Variants in DMD observed in about 807,000 individuals in gnomAD.
The protein encoded by DMD is mutant dystrophin.
Under a neutral mutation model 330.1 loss-of-function variants are expected in DMD, and 63 were observed. That is an observed-to-expected ratio of 0.19 (90% CI 0.16 to 0.24). The LOEUF (loss-of-function observed/expected upper bound fraction) is 0.24, where lower values mean the gene tolerates loss of function less well. Among genes scored for constraint, DMD ranks in the 10% least tolerant of loss-of-function variants. The pLI is 1.00. For missense variants in DMD, 3,344 were observed against 2,684.1 expected (o/e 1.25, Z -5.43); for synonymous variants, 1,223 against 959.8 (o/e 1.27, Z -5.07).
chrX:32,609,790 G>A (rs1434161169), intron 12 of DMD, among the ~76,000 whole-genome samples: 3 of 110,835 alleles, frequency 2.7e-5, no homozygotes, highest in Non-Finnish European at 5.7e-5. Flanking sequence ...AGAATATAGA[G>A]TATATATTCA....
chrX:31,486,944 C>A (rs750383670), intron 57 of DMD, among the ~76,000 whole-genome samples: 1 of 111,765 alleles, frequency 8.9e-6, no homozygotes, highest in Non-Finnish European at 1.9e-5. Context: ...ATGCTCACTT[C>A]GGGACAAGCA....
intron 1 of DMD, among the ~76,000 whole-genome samples, chrX:33,048,878 G>A (rs772425830): frequency 9.0e-6 from 1 of 110,582 alleles, no homozygotes; most frequent in East Asian, 2.9e-4. Flanking sequence ...ATTAGGATGT[G>A]ATATCTGGCA....
At chrX:32,082,358 A>G (rs2096397989) in intron 44 of DMD, among the ~76,000 whole-genome samples, 1 of 110,375 alleles carries the variant, frequency 9.1e-6, no homozygotes. Context: ...CCTCCTGAGT[A>G]GCTGGGGCTA....
At chrX:32,685,851 A>G (rs2062820415) in intron 9 of DMD, among the ~76,000 whole-genome samples, 1 of 112,046 alleles carries the variant, frequency 8.9e-6, no homozygotes, top group South Asian at 3.6e-4. Flanking sequence ...CTCATAATTT[A>G]AAAAATGACT....
intron 53 of DMD, among the ~76,000 whole-genome samples, chrX:31,662,107 C>T (rs1248526153): frequency 9.0e-6 from 1 of 111,691 alleles, no homozygotes; most frequent in Non-Finnish European, 1.9e-5. Flanking sequence ...CTGGCGTGAT[C>T]GCTTAGTGGC....
chrX:32,275,795 C>T lies in DMD; in HGVS notation c.6290+11734G>A, dbSNP rs145360562. ...GTTTCAACAATTCAAAAAAGTGAGACGGAGTGGTGCAAGATGTCAGAATAG... is the reference window on the plus strand; with the variant it reads ...GTTTCAACAATTCAAAAAAGTGAGATGGAGTGGTGCAAGATGTCAGAATAG... On this transcript the variant is annotated intron_variant, in intron 43 of 78. Transcript: ENST00000357033. Among the ~76,000 whole-genome samples the T allele has an allele frequency of 7.4e-4, 82 of 111,471 alleles. 1 individual carries two copies. The East Asian group carries it at 0.022, about 29-fold the overall frequency.
chrX:31,553,013 A>C (rs1603360199), intron 55 of DMD, among the ~76,000 whole-genome samples: 1 of 111,752 alleles, frequency 8.9e-6, no homozygotes, highest in South Asian at 3.8e-4. Context: ...GGGGAAATCC[A>C]GCAGAGAGAG....
At chrX:32,882,532 C>A (rs1431840171) in intron 2 of DMD, among the ~76,000 whole-genome samples, 2 of 111,887 alleles carry the variant, frequency 1.8e-5, no homozygotes, top group Non-Finnish European at 3.8e-5. Context: ...CTTCCAAAGA[C>A]CACATATTAT....
At chrX:31,379,212 C>T (rs753027493) in intron 60 of DMD, among the ~76,000 whole-genome samples, 12 of 110,543 alleles carry the variant, frequency 1.1e-4, no homozygotes, top group Non-Finnish European at 1.9e-4. Flanking sequence ...TCAGCCTCTG[C>T]TCCTCCACCC....
At chrX:31,790,789 C>T (rs766509581) in intron 50 of DMD, among the ~76,000 whole-genome samples, 149 of 111,003 alleles carry the variant, frequency 1.3e-3, no homozygotes, top group African/African-American at 4.8e-3. Context: ...TTTAACAGTG[C>T]CTGGTTTACA....
At chrX:32,456,975 A>C (rs1445020139) in intron 25 of DMD, among the ~76,000 whole-genome samples, 1 of 106,764 alleles carries the variant, frequency 9.4e-6, no homozygotes, top group Non-Finnish European at 1.9e-5. Context: ...AAAAAAAAAA[A>C]AAACTTACAG....
At chrX:33,077,083 A>G (rs2094854190) in intron 1 of DMD, among the ~76,000 whole-genome samples, 1 of 111,273 alleles carries the variant, frequency 9.0e-6, no homozygotes, top group Non-Finnish European at 1.9e-5. Flanking sequence ...CAGCTGATCC[A>G]TCAAGTGCAG....
intron 1 of DMD, among the ~76,000 whole-genome samples, chrX:33,236,728 C>G (rs1217943517): frequency 1.8e-5 from 2 of 110,965 alleles, no homozygotes; most frequent in Non-Finnish European, 3.8e-5. Flanking sequence ...CCTTATCAAA[C>G]ACCAGGGCAG....
At chrX:32,705,577 G>A (rs970878771) in intron 7 of DMD, among the ~76,000 whole-genome samples, 1 of 111,683 alleles carries the variant, frequency 9.0e-6, no homozygotes, top group South Asian at 3.7e-4. Flanking sequence ...ACTTCGGGAG[G>A]ACGAGGCAGG....
At chrX:32,765,530 AC>A (rs2072874065) in intron 7 of DMD, among the ~76,000 whole-genome samples, 1 of 111,150 alleles carries the variant, frequency 9.0e-6, no homozygotes, top group African/African-American at 3.3e-5. Context: ...TTTATAATTT[AC>A]CCAGTTTCAG....
intron 16 of DMD, among the ~76,000 whole-genome samples, chrX:32,564,836 T>G (rs1371080841): frequency 9.0e-6 from 1 of 111,669 alleles, no homozygotes; most frequent in South Asian, 3.7e-4. Context: ...TTCCATGTAC[T>G]TGTCTCAATA....
At position 33,054,614 on chromosome X, in the gene DMD, C is replaced by A. The variant is rs2094496756; in HGVS notation, c.32-34414G>T. Among the ~76,000 whole-genome samples, 3 of 112,245 alleles carry A rather than the reference C, an allele frequency of 2.7e-5. No homozygotes were observed. In the South Asian group the frequency reaches 1.1e-3, roughly 41 times the overall value. On this transcript the variant is annotated intron_variant, in intron 1 of 78. Coordinates refer to ENST00000357033, the MANE Select transcript of DMD (RefSeq NM_004006.3). The stretch of plus-strand genomic sequence containing the variant: ...TTCAGTTAAATTTATTTTGAAGAAA[C>A]CGCAGAAGGTTTTCTAGGGGGAAGA...
intron 44 of DMD, among the ~76,000 whole-genome samples, chrX:32,183,296 A>C (rs1319144486): frequency 9.0e-6 from 1 of 110,569 alleles, no homozygotes; most frequent in Non-Finnish European, 1.9e-5. Flanking sequence ...GTGATATTTC[A>C]GTTTACTCAG....
chrX:32,169,507 T>C (rs1201871444), intron 44 of DMD, among the ~76,000 whole-genome samples: 1 of 112,071 alleles, frequency 8.9e-6, no homozygotes, highest in Non-Finnish European at 1.9e-5. Context: ...ACAGCATTTC[T>C]GTCTTGACTC....
Sources: gnomAD v4.1 joint callset for allele counts (sites outside exome capture counted in the v4.1 genomes callset) on GRCh38, gnomAD v4.1.1 for gene constraint, MANE v1.5 for transcripts, NCBI Gene and HGNC (gene_info 2026-07-23, HGNC 2026-07-21) for gene names.